NCMAP: variants seen among roughly 807,000 people sequenced by gnomAD.
NCMAP encodes the protein noncompact myelin-associated protein.
NCMAP carries 8 observed loss-of-function variants against 7.8 expected under a neutral mutation model. The ratio of observed to expected loss-of-function variants is 1.02; its 90% CI spans 0.60 to 1.84. The LOEUF (loss-of-function observed/expected upper bound fraction) is 1.84. Ranked by LOEUF, NCMAP falls within the 40% of genes most tolerant of loss-of-function variation. NCMAP has a pLI of 0.00. For missense variants in NCMAP, 112 were observed against 131.4 expected, an observed-to-expected ratio of 0.85 and a Z score of 0.72; for synonymous variants, 41 against 52.9, an observed-to-expected ratio of 0.78 and a Z score of 0.98.
intron 1 of NCMAP, among the ~76,000 whole-genome samples, chr1:24,568,656 G>A (rs1023279153): frequency 4.6e-5 from 7 of 152,148 alleles, no homozygotes; most frequent in Non-Finnish European, 5.9e-5. Flanking sequence ...GGAGATGAAG[G>A]CACAGAGAGG....
chr1:24,594,233 G>A (rs1053810426), intron 1 of NCMAP, among the ~76,000 whole-genome samples: 2 of 152,076 alleles, frequency 1.3e-5, no homozygotes, highest in African/African-American at 4.8e-5. Context: ...TATGGTTCTT[G>A]GTGGAGGATC....
chr1:24,589,742 T>C (rs2148933709), intron 1 of NCMAP: 1 of 152,396 alleles, frequency 6.6e-6, no homozygotes, highest in African/African-American at 2.4e-5. Flanking sequence ...ATGCAGACGT[T>C]GCCACATGCA....
chr1:24,594,436 C>A (rs985246100), intron 1 of NCMAP, among the ~76,000 whole-genome samples: 2 of 152,148 alleles, frequency 1.3e-5, no homozygotes, highest in Non-Finnish European at 2.9e-5. Context: ...ACTCAACCAC[C>A]TTGAGTCCCA....
rs963886976 is a variant in NCMAP at position 24,569,494 on chromosome 1, T to C, written c.-8+13325T>C. Among the ~76,000 whole-genome samples the C allele has an allele frequency of 4.0e-5, 6 of 149,930 alleles. No homozygotes were observed. In the South Asian group the frequency reaches 8.4e-4, roughly 21 times the overall value. ...CTGGCATTCTTCCCTTCCCACCTCA[T>C]AAAGTCCCAGTCAAATGATAATAGT... On this transcript the variant is annotated intron_variant, in intron 1 of 3. Coordinates refer to ENST00000374392, the MANE Select transcript of NCMAP (RefSeq NM_001010980.5).
intron 1 of NCMAP, among the ~76,000 whole-genome samples, chr1:24,569,524 A>G (rs186255938): frequency 1.5e-3 from 226 of 150,710 alleles, no homozygotes; most frequent in Admixed American, 2.6e-3. Flanking sequence ...AATAGTAACA[A>G]TGTTCATTGA....
chr1:24,597,570 C>A, intron 2 of NCMAP, among the ~76,000 whole-genome samples: 4 of 92,898 alleles, frequency 4.3e-5, no homozygotes, highest in African/African-American at 8.6e-5. Context: ...GGGAGGTTCT[C>A]CTGTAAAAAC....
intron 2 of NCMAP, among the ~76,000 whole-genome samples, chr1:24,600,516 C>T (rs1652447080): frequency 6.6e-6 from 1 of 152,216 alleles, no homozygotes; most frequent in East Asian, 1.9e-4. Flanking sequence ...AGACGATCAG[C>T]AGTTGTTGGG....
chr1:24,592,166 G>A (rs1044378412), intron 1 of NCMAP, among the ~76,000 whole-genome samples: 1 of 152,230 alleles, frequency 6.6e-6, no homozygotes, highest in Admixed American at 6.5e-5. Flanking sequence ...GGCAGAGGGT[G>A]GTGTGAGTAG....
At chr1:24,577,420 T>TTTG (rs1651615021) in intron 1 of NCMAP, among the ~76,000 whole-genome samples, 1 of 143,750 alleles carries the variant, frequency 7.0e-6, no homozygotes, top group East Asian at 2.2e-4. Flanking sequence ...TTTTTTTTTT[T>TTTG]TTTTTTTTTT....
At position 24,576,866 on chromosome 1, in the gene NCMAP, A is replaced by G. The variant is rs7542244; in HGVS notation, c.-7-18558A>G. On this transcript the variant is annotated intron_variant, in intron 1 of 3. Transcript: ENST00000374392. This position sits in a 1 kb window ranked among gnomAD's most constrained non-coding sequence, Gnocchi z 4.0. ...TGTTACACAGGACACAGTGGCTCACACCTGTAATCCCAGCACTTTGGGAGG... is the reference window on the plus strand; with the variant it reads ...TGTTACACAGGACACAGTGGCTCACGCCTGTAATCCCAGCACTTTGGGAGG... 0.15 allele frequency among the ~76,000 whole-genome samples: 22,822 copies of G among 152,030 alleles called. 2,534 individuals are homozygous for G. Among genetic ancestry groups the G allele is most frequent in the African/African-American group, 0.32 (13,239 of 41,428 alleles).
intron 1 of NCMAP, among the ~76,000 whole-genome samples, chr1:24,573,872 C>T (rs547162450): frequency 1.4e-5 from 2 of 144,320 alleles, no homozygotes; most frequent in East Asian, 4.1e-4. Flanking sequence ...GATTAGCGAG[C>T]GAGTCTGAGT....
At position 24,609,113 on chromosome 1, in the gene NCMAP, G is replaced by C. The variant is rs1652848711; in HGVS notation, c.*3366G>C. On this transcript the variant is annotated 3_prime_UTR_variant, in exon 4 of 4. Transcript: ENST00000374392. ...AACATCCTGTAAGAAGGGTTCCTATGTGCAAGTTGAGGTGCTACTAAGTAC... is the reference window on the plus strand; with the variant it reads ...AACATCCTGTAAGAAGGGTTCCTATCTGCAAGTTGAGGTGCTACTAAGTAC... 6.6e-6 allele frequency: 1 copy of C among 152,158 alleles called. No homozygotes were observed. Among genetic ancestry groups the C allele is most frequent in the South Asian group, 2.1e-4 (1 of 4,828 alleles). 9.4% of individuals were successfully genotyped at this position (152,158 alleles called of 1,614,324 possible).
Position 24,576,657 on chromosome 1 carries a change from G to GGCCT in NCMAP, c.-7-18763_-7-18760dup, listed in dbSNP as rs1227046954. Among the ~76,000 whole-genome samples, 1 of 152,150 alleles carries GGCCT rather than the reference G, an allele frequency of 6.6e-6. No homozygotes were observed. Among genetic ancestry groups the GGCCT allele is most frequent in the Non-Finnish European group, 1.5e-5 (1 of 68,004 alleles). On this transcript the variant is annotated intron_variant, in intron 1 of 3. Transcript: ENST00000374392. This position sits in a 1 kb window ranked among gnomAD's most constrained non-coding sequence, Gnocchi z 4.0. ...AAACTGCAGTCCAGACAGAACAAGT[G>GGCCT]GCCTGCCCCAGGTCACACAGAAAGT...
At chr1:24,583,729 A>G (rs2148931888) in intron 1 of NCMAP, among the ~76,000 whole-genome samples, 1 of 151,712 alleles carries the variant, frequency 6.6e-6, no homozygotes, top group Admixed American at 6.6e-5. Context: ...AAAAAAAAAA[A>G]AAAAAAAAAG....
Position 24,598,453 on chromosome 1 carries a change from T to C in NCMAP, c.83-2487T>C, listed in dbSNP as rs1652336086. Among the ~76,000 whole-genome samples, 3 of 152,070 alleles carry C rather than the reference T, an allele frequency of 2.0e-5. No individual in the cohort carries two copies. The South Asian group carries it at 6.2e-4, about 32-fold the overall frequency. ...TTTTACCACCATCGATTAGTTCTGC[T>C]TGGTTTTGAACTTTATATAAATGGC... On this transcript the variant is annotated intron_variant, in intron 2 of 3. Coordinates refer to ENST00000374392, the MANE Select transcript of NCMAP (RefSeq NM_001010980.5).
At chr1:24,585,023 G>A (rs2148932274) in intron 1 of NCMAP, among the ~76,000 whole-genome samples, 1 of 152,040 alleles carries the variant, frequency 6.6e-6, no homozygotes, top group African/African-American at 2.4e-5. Context: ...AAGAATAGAT[G>A]GGTAAATGGA....
Position 24,602,428 on chromosome 1 carries a change from GGCGC to G in NCMAP, c.167+1405_167+1408del, listed in dbSNP as rs1652534810. On this transcript the variant is annotated intron_variant, in intron 3 of 3. Coordinates refer to ENST00000374392, the MANE Select transcript of NCMAP (RefSeq NM_001010980.5). Reference sequence around the variant, plus strand: ...TACTAAAAATACAAAAAATTAGCCGGGCGCAGTGGTGGGCGCCTGTAGTCCCAGC... The same window carrying G: ...TACTAAAAATACAAAAAATTAGCCGGAGTGGTGGGCGCCTGTAGTCCCAGC... Among the ~76,000 whole-genome samples, 15 of 143,140 alleles carry G rather than the reference GGCGC, an allele frequency of 1.0e-4. 1 individual carries two copies. The highest frequency in any genetic ancestry group is 4.2e-4 in the African/African-American group (14 of 33,332). 93.9% of individuals were successfully genotyped at this position (143,140 alleles called of 152,430 possible). A position where few individuals can be genotyped will look rare whatever the true frequency, so the allele number is the denominator to read the frequency against.
rs2148936217 is a variant in NCMAP at position 24,596,702 on chromosome 1, C to T, written c.82+1190C>T. Reference sequence around the variant, plus strand: ...ACTTGTCTCCAAACAAACAGACAAACAAAAATCCGAAGTAGCTATTTTTAT... The same window carrying T: ...ACTTGTCTCCAAACAAACAGACAAATAAAAATCCGAAGTAGCTATTTTTAT... On this transcript the variant is annotated intron_variant, in intron 2 of 3. Transcript: ENST00000374392. Among the ~76,000 whole-genome samples, 2 of 152,166 alleles carry T rather than the reference C, an allele frequency of 1.3e-5. 1 individual carries two copies. Among genetic ancestry groups the T allele is most frequent in the South Asian group, 4.1e-4 (2 of 4,824 alleles).
intron 3 of NCMAP, 60 bp from the exon 4 acceptor site, chr1:24,605,546 C>T (rs752885698): frequency 9.5e-6 from 15 of 1,575,776 alleles, no homozygotes; most frequent in Non-Finnish European, 1.2e-5. Context: ...AGTCGCAGAG[C>T]CCATTCCCCG....
Sources: allele counts gnomAD v4.1 joint callset (sites outside exome capture counted in the v4.1 genomes callset), GRCh38; gene constraint gnomAD v4.1.1; non-coding constraint Gnocchi (gnomAD v3.1); transcripts MANE v1.5; gene names NCBI Gene and HGNC (gene_info 2026-07-23, HGNC 2026-07-21).